Variants in UGT3A1 observed in about 807,000 individuals in gnomAD.
UGT3A1 encodes the protein UDP-glycosyltransferase 3A1.
Under a neutral mutation model 37.6 loss-of-function variants are expected in UGT3A1, and 40 were observed. The ratio of observed to expected loss-of-function variants is 1.06; its 90% CI spans 0.83 to 1.38. The LOEUF is 1.38. Ranked by LOEUF, UGT3A1 falls within the 40% of genes most tolerant of loss-of-function variation. The pLI is 0.00. For synonymous variants in UGT3A1, 256 were observed against 232.3 expected, an observed-to-expected ratio of 1.10 and a Z score of -0.93; for missense variants, 642 against 634.2, an observed-to-expected ratio of 1.01 and a Z score of -0.13.
intron 2 of UGT3A1, among the ~76,000 whole-genome samples, chr5:35,975,497 C>A (rs1449633789): frequency 6.6e-6 from 1 of 152,142 alleles, no homozygotes; most frequent in Non-Finnish European, 1.5e-5. Context: ...CATGCACTTA[C>A]AAAATGCTTT....
intron 2 of UGT3A1, among the ~76,000 whole-genome samples, chr5:35,968,403 C>G (rs1030728299): frequency 2.6e-5 from 4 of 152,126 alleles, no homozygotes; most frequent in Non-Finnish European, 5.9e-5. Flanking sequence ...AGCTATTACA[C>G]TTATTTTATA....
At chr5:35,963,287 TTG>T (rs1739663703) in intron 4 of UGT3A1, among the ~76,000 whole-genome samples, 1 of 152,224 alleles carries the variant, frequency 6.6e-6, no homozygotes, top group African/African-American at 2.4e-5. Context: ...CCCATTTACA[TTG>T]TGCCTGTTGC....
chr5:35,993,457 C>T (rs1185348133), upstream of UGT3A1, among the ~76,000 whole-genome samples: 5 of 139,778 alleles, frequency 3.6e-5, no homozygotes, highest in East Asian at 2.4e-4. Context: ...AGCGAGACTC[C>T]GTCTCAAAAA....
At chr5:35,988,638 C>T (rs1740819313) in intron 1 of UGT3A1, 87 bp from the exon 2 acceptor site, 1 of 1,034,250 alleles carries the variant, frequency 9.7e-7, no homozygotes, top group Non-Finnish European at 1.4e-6. Context: ...AATGGAAATT[C>T]AGCAGAAAAA....
At chr5:35,974,702 T>C (rs1740190880) in intron 2 of UGT3A1, among the ~76,000 whole-genome samples, 1 of 152,246 alleles carries the variant, frequency 6.6e-6, no homozygotes, top group Non-Finnish European at 1.5e-5. Flanking sequence ...ATACCTGATA[T>C]GCAACTATTG....
chr5:35,957,361 C>G lies in UGT3A1; in HGVS notation c.902G>C (p.Gly301Ala). The stretch of plus-strand genomic sequence containing the variant: ...GGACTGATGGGTGTTCAACATGGAG[C>G]CAAAGGCCACAAGGACAAACCCTGC... Reference protein sequence around the residue: ...GDAGFVLVAFGSMLNTHQSQE... With the variant: ...GDAGFVLVAFASMLNTHQSQE... Residue 301 changes from glycine to alanine, a missense_variant, in exon 5 of 7, where the codon GGC (glycine) becomes GCC (alanine). Transcript: ENST00000274278. 6.2e-7 allele frequency: 1 copy of G among 1,614,080 alleles called. No homozygotes were observed. The highest frequency in any genetic ancestry group is 8.5e-7 in the Non-Finnish European group (1 of 1,180,016).
At chr5:35,980,609 C>A (rs1187013010) in intron 2 of UGT3A1, among the ~76,000 whole-genome samples, 1 of 152,184 alleles carries the variant, frequency 6.6e-6, no homozygotes, top group Admixed American at 6.5e-5. Context: ...AGGCCTCTCT[C>A]CAAATCCCTA....
rs1275661875 is a variant in UGT3A1 at position 35,955,642 on chromosome 5, T to A, written c.1295+3A>T. 6.2e-7 allele frequency: 1 copy of A among 1,614,228 alleles called. No homozygotes were observed. Among genetic ancestry groups the A allele is most frequent in the African/African-American group, 1.3e-5 (1 of 75,072 alleles). ...GTGACCACATGCTTAGAGAGCCACA[T>A]ACCTCTTGTCTTCTATGACTTGTTT... On this transcript the variant is annotated splice_donor_region_variant and intron_variant, in intron 6 of 6. Coordinates refer to ENST00000274278, the MANE Select transcript of UGT3A1 (RefSeq NM_152404.4).
At position 35,991,291 on chromosome 5, in the gene UGT3A1, C is replaced by T; in HGVS notation, c.-51G>A. 1 of 1,611,382 alleles carries T rather than the reference C, an allele frequency of 6.2e-7. No individual in the cohort carries two copies. The highest frequency in any genetic ancestry group is 2.2e-5 in the East Asian group (1 of 44,878). On this transcript the variant is annotated 5_prime_UTR_variant, in exon 1 of 7. Coordinates refer to ENST00000274278, the MANE Select transcript of UGT3A1 (RefSeq NM_152404.4). ...CTCAGCCTGGGCTGCGCGCCCTGCGCCGGGCTAAGGACTCTGTGCGCGCCT... is the reference window on the plus strand; with the variant it reads ...CTCAGCCTGGGCTGCGCGCCCTGCGTCGGGCTAAGGACTCTGTGCGCGCCT...
chr5:35,955,356 T>A lies in UGT3A1; in HGVS notation c.1295+289A>T, dbSNP rs1015892567. On this transcript the variant is annotated intron_variant, in intron 6 of 6. Transcript: ENST00000274278. Reference sequence around the variant, plus strand: ...CACACAAAGAAACCCCCCGCTTCAGTTGGAATTCCACTAGAGGGACTCCCA... The same window carrying A: ...CACACAAAGAAACCCCCCGCTTCAGATGGAATTCCACTAGAGGGACTCCCA... 1.2e-5 allele frequency: 7 copies of A among 568,076 alleles called. No homozygotes were observed. The South Asian group carries it at 1.7e-4, about 14-fold the overall frequency. 35.2% of individuals were successfully genotyped at this position (568,076 alleles called of 1,614,324 possible). A position where few individuals can be genotyped will look rare whatever the true frequency, so the allele number is the denominator to read the frequency against.
Position 35,955,366 on chromosome 5 carries a change from A to C in UGT3A1, c.1295+279T>G, listed in dbSNP as rs1739310112. 2.7e-5 allele frequency: 16 copies of C among 584,902 alleles called. No individual in the cohort carries two copies. The South Asian group carries it at 3.5e-4, about 13-fold the overall frequency. The allele number at this position is 584,902 out of a possible 1,614,324, so 36.2% of individuals were successfully genotyped here. A position where few individuals can be genotyped will look rare whatever the true frequency, so the allele number is the denominator to read the frequency against. On this transcript the variant is annotated intron_variant, in intron 6 of 6. Coordinates refer to ENST00000274278, the MANE Select transcript of UGT3A1 (RefSeq NM_152404.4). ...AACCCCCCGCTTCAGTTGGAATTCC[A>C]CTAGAGGGACTCCCAAATATAAGAT...
chr5:35,990,327 G>A (rs1283648459), intron 1 of UGT3A1, among the ~76,000 whole-genome samples: 2 of 152,014 alleles, frequency 1.3e-5, no homozygotes, highest in African/African-American at 4.8e-5. Context: ...TAAGAGCCCT[G>A]ATTCTCCGTG....
At chr5:35,984,463 T>A (rs916930489) in intron 2 of UGT3A1, among the ~76,000 whole-genome samples, 1 of 136,232 alleles carries the variant, frequency 7.3e-6, no homozygotes, top group African/African-American at 2.6e-5. Flanking sequence ...TACCATTCAA[T>A]CTCACAGAAT....
At chr5:35,983,860 T>TA (rs368512914) in intron 2 of UGT3A1, among the ~76,000 whole-genome samples, 39 of 151,112 alleles carry the variant, frequency 2.6e-4, no homozygotes, top group Middle Eastern at 3.4e-3. Flanking sequence ...TTTTATGATT[T>TA]AAAAAAAAAC....
chr5:35,989,951 G>C (rs957482299), intron 1 of UGT3A1, among the ~76,000 whole-genome samples: 1 of 152,294 alleles, frequency 6.6e-6, no homozygotes, highest in South Asian at 2.1e-4. Context: ...GCTGGGCGTG[G>C]TGGCGGGCGC....
At chr5:35,977,176 G>A (rs13183231) in intron 2 of UGT3A1, among the ~76,000 whole-genome samples, 2 of 150,396 alleles carry the variant, frequency 1.3e-5, no homozygotes, top group East Asian at 1.9e-4. Flanking sequence ...TATAACAGAC[G>A]TGTACACAAA....
Position 35,978,041 on chromosome 5 carries a change from T to A in UGT3A1, c.197-9908A>T, listed in dbSNP as rs560031578. On this transcript the variant is annotated intron_variant, in intron 2 of 6. Coordinates refer to ENST00000274278, the MANE Select transcript of UGT3A1 (RefSeq NM_152404.4). ...TTGTACATATGTTTCAATTTTTACT[T>A]TTTTTCTATTTGAGACAGAGTCTCA... 3.4e-3 allele frequency among the ~76,000 whole-genome samples: 520 copies of A among 152,296 alleles called. 1 individual carries two copies. The highest frequency in any genetic ancestry group is 0.01 in the Middle Eastern group (3 of 292).
At chr5:35,990,105 A>AAAAG (rs1561473978) in intron 1 of UGT3A1, among the ~76,000 whole-genome samples, 2 of 150,532 alleles carry the variant, frequency 1.3e-5, no homozygotes, top group African/African-American at 4.9e-5. Flanking sequence ...AAAAAAAAAA[A>AAAAG]AAAGAAAGAA....
rs1454196386 is a variant in UGT3A1 at position 35,988,567 on chromosome 5, A to G, written c.95-16T>C. Reference sequence around the variant, plus strand: ...TGGCTTCCACCTAGAAACAATGCACAATGTCTTTTGTAAAGATGAAAATAG... The same window carrying G: ...TGGCTTCCACCTAGAAACAATGCACGATGTCTTTTGTAAAGATGAAAATAG... On this transcript the variant is annotated splice_polypyrimidine_tract_variant and intron_variant, in intron 1 of 6. Transcript: ENST00000274278. The G allele has an allele frequency of 6.3e-7, 1 of 1,580,180 alleles. No individual in the cohort carries two copies. The highest frequency in any genetic ancestry group is 1.4e-5 in the African/African-American group (1 of 73,220).
Sources: allele counts gnomAD v4.1 joint callset (sites outside exome capture counted in the v4.1 genomes callset), GRCh38; gene constraint gnomAD v4.1.1; transcripts MANE v1.5; gene names NCBI Gene and HGNC (gene_info 2026-07-23, HGNC 2026-07-21).